NCLN: variants seen among roughly 807,000 people sequenced by gnomAD.
NCLN encodes BOS complex subunit NCLN.
Under a neutral mutation model 69.5 loss-of-function variants are expected in NCLN, and 34 were observed. The observed-to-expected ratio is 0.49, with a 90% CI of 0.37 to 0.65. The LOEUF (loss-of-function observed/expected upper bound fraction) is 0.65. Ranked by LOEUF, NCLN falls within the 30% of genes least tolerant of loss-of-function variation. The pLI, the probability that NCLN is intolerant of heterozygous loss-of-function variation, is 0.00. For missense variants in NCLN, 710 were observed against 804.8 expected, an observed-to-expected ratio of 0.88 and a Z score of 1.42; for synonymous variants, 393 against 358.3, an observed-to-expected ratio of 1.10 and a Z score of -1.09.
intron 1 of NCLN, among the ~76,000 whole-genome samples, chr19:3,188,494 G>A (rs487326): frequency 0.55 from 84,158 of 151,816 alleles, 24,402 homozygotes; most frequent in East Asian, 0.95. Flanking sequence ...CGTTCACCCC[G>A]TTTTCCTTCC....
intron 1 of NCLN, among the ~76,000 whole-genome samples, chr19:3,186,522 C>T (rs1370492578): frequency 6.6e-6 from 1 of 152,196 alleles, no homozygotes; most frequent in Non-Finnish European, 1.5e-5. Context: ...CCCCTCTCTC[C>T]TGTCCCCAGC....
At chr19:3,199,992 A>G (rs978706975) in intron 5 of NCLN, among the ~76,000 whole-genome samples, 33 of 151,500 alleles carry the variant, frequency 2.2e-4, no homozygotes, top group East Asian at 1.8e-3. Flanking sequence ...GAGCCACCGC[A>G]CCCAGTCCTG....
At chr19:3,189,741 C>T (rs1431103817) in intron 1 of NCLN, among the ~76,000 whole-genome samples, 4 of 152,258 alleles carry the variant, frequency 2.6e-5, no homozygotes, top group Non-Finnish European at 4.4e-5. Flanking sequence ...CCCTGGCCCT[C>T]GAGGGAGGCT....
Position 3,207,587 on chromosome 19 carries a change from T to C in NCLN, c.1633-42T>C, listed in dbSNP as rs754066714. 3.1e-6 allele frequency: 5 copies of C among 1,610,774 alleles called. No homozygotes were observed. The East Asian group carries it at 1.1e-4, about 36-fold the overall frequency. On this transcript the variant is annotated intron_variant, in intron 14 of 14. Coordinates refer to ENST00000246117, the MANE Select transcript of NCLN (RefSeq NM_020170.4). ...CCTAGAGTCACATGACCTGGGGCTC[T>C]GGCCCCGCCCACATCCTCACTCCCT...
Position 3,204,201 on chromosome 19 carries a change from C to T in NCLN, c.1029+57C>T, listed in dbSNP as rs1334420014. 65 of 1,461,720 alleles carry T rather than the reference C, an allele frequency of 4.4e-5. 1 individual carries two copies. In the East Asian group the frequency reaches 6.7e-4, roughly 15 times the overall value. The allele number at this position is 1,461,720 out of a possible 1,614,324, so 90.5% of individuals were successfully genotyped here. ...CTCTGCGGAGCACACACATCGGGGC[C>T]GGGTTGGGGCATCCTGTCCCAGGGT... On this transcript the variant is annotated intron_variant, in intron 8 of 14. Coordinates refer to ENST00000246117, the MANE Select transcript of NCLN (RefSeq NM_020170.4).
intron 1 of NCLN, among the ~76,000 whole-genome samples, chr19:3,189,053 T>C (rs1173401112): frequency 6.6e-6 from 1 of 152,236 alleles, no homozygotes; most frequent in Non-Finnish European, 1.5e-5. Flanking sequence ...GGGGAGTCCT[T>C]TCCCAACTTC....
intron 1 of NCLN, among the ~76,000 whole-genome samples, chr19:3,188,226 A>G (rs1443020959): frequency 2.6e-5 from 4 of 151,336 alleles, no homozygotes; most frequent in Admixed American, 2.6e-4. Context: ...GGTGGCTGCT[A>G]CACTGTCCCT....
intron 2 of NCLN, 128 bp from the exon 3 acceptor site, chr19:3,193,156 C>T: frequency 1.1e-6 from 1 of 877,710 alleles, no homozygotes. Flanking sequence ...CACTGGGCCC[C>T]CTGCTACCCC....
intron 6 of NCLN, among the ~76,000 whole-genome samples, chr19:3,202,521 CCTG>C (rs1302556425): frequency 6.6e-6 from 1 of 152,230 alleles, no homozygotes; most frequent in East Asian, 1.9e-4. Context: ...GGCCCAGTCA[CCTG>C]CTCCCGAGAT....
chr19:3,203,820 C>T lies in NCLN; in HGVS notation c.865C>T (p.Leu289=), dbSNP rs779567621. 1 of 1,613,164 alleles carries T rather than the reference C, an allele frequency of 6.2e-7. No individual in the cohort carries two copies. Among genetic ancestry groups the T allele is most frequent in the Non-Finnish European group, 8.5e-7 (1 of 1,179,840 alleles). Residue 289 remains leucine, a synonymous_variant, in exon 7 of 15, where the codon CTG becomes TTG. Coordinates refer to ENST00000246117, the MANE Select transcript of NCLN (RefSeq NM_020170.4). ...TAACTACCAGGGAACCAAGCGCTGG[C>T]TGGAAGACAACCTGGACCACACAGG... ...KFNYQGTKRW[L]EDNLDHTDSS...
chr19:3,203,191 C>A (rs1420049961), intron 6 of NCLN, among the ~76,000 whole-genome samples: 1 of 151,994 alleles, frequency 6.6e-6, no homozygotes, highest in Non-Finnish European at 1.5e-5. Context: ...GCCTGTAATC[C>A]CAGCTACTTG....
At position 3,185,982 on chromosome 19, in the gene NCLN, C is replaced by T. The variant is rs1413378175; in HGVS notation, c.-49C>T. 2 of 1,392,456 alleles carry T rather than the reference C, an allele frequency of 1.4e-6. No individual in the cohort carries two copies. The highest frequency in any genetic ancestry group is 1.9e-6 in the Non-Finnish European group (2 of 1,071,002). The allele number at this position is 1,392,456 out of a possible 1,614,324, so 86.3% of individuals were successfully genotyped here. A position where few individuals can be genotyped will look rare whatever the true frequency, so the allele number is the denominator to read the frequency against. The stretch of plus-strand genomic sequence containing the variant: ...GTGAGTCCGCGGGAGCCGCCGCCGC[C>T]GCCGTCCCGTCCCAGCTGCCGCCCC... On this transcript the variant is annotated 5_prime_UTR_variant, in exon 1 of 15. Transcript: ENST00000246117.
intron 1 of NCLN, among the ~76,000 whole-genome samples, chr19:3,186,916 G>A (rs1218633099): frequency 6.6e-6 from 1 of 151,204 alleles, no homozygotes; most frequent in Non-Finnish European, 1.5e-5. Context: ...GGGCACATTT[G>A]TCCCCAGACC....
chr19:3,198,833 T>A lies in NCLN; in HGVS notation c.632T>A (p.Leu211Gln). ...IASVEGRLTGLGGEDLPTIVI... is the reference protein window; with the variant it reads ...IASVEGRLTGQGGEDLPTIVI... ...TATCCACAGGGGCGGCTGACGGGGC[T>A]GGGCGGAGAGGACCTTCCCACCATC... The change falls in exon 5 of 15, where the codon CTG (leucine) becomes CAG (glutamine). Residue 211 changes from leucine (L) to glutamine (Q), a missense_variant. Physicochemically the swap from Leu to Gln is moderately radical, Grantham distance 113 (BLOSUM62 -2). Coordinates refer to ENST00000246117, the MANE Select transcript of NCLN (RefSeq NM_020170.4). 1 of 1,577,234 alleles carries A rather than the reference T, an allele frequency of 6.3e-7. No homozygotes were observed. The highest frequency in any genetic ancestry group is 8.6e-7 in the Non-Finnish European group (1 of 1,162,616).
At chr19:3,186,937 T>C (rs75756582) in intron 1 of NCLN, among the ~76,000 whole-genome samples, 4,541 of 152,170 alleles carry the variant, frequency 0.03, 229 homozygotes, top group African/African-American at 0.1. Flanking sequence ...CCTGACGCTC[T>C]CTGGTCCCAG....
At chr19:3,189,831 G>A (rs1281257991) in intron 1 of NCLN, among the ~76,000 whole-genome samples, 1 of 152,374 alleles carries the variant, frequency 6.6e-6, no homozygotes, top group South Asian at 2.1e-4. Flanking sequence ...CCCCGAGCGA[G>A]CGGGGGCTGG....
At position 3,206,232 on chromosome 19, in the gene NCLN, A is replaced by G; in HGVS notation, c.1336-30A>G. ...AGTGGGTGGGTGGGTGGGCGGGGCC[A>G]GGCCATGACTACCACCACCGTCCCT... On this transcript the variant is annotated intron_variant, in intron 11 of 14. Coordinates refer to ENST00000246117, the MANE Select transcript of NCLN (RefSeq NM_020170.4). 2.0e-6 allele frequency: 3 copies of G among 1,526,728 alleles called. No individual in the cohort carries two copies. The South Asian group carries it at 3.7e-5, about 19-fold the overall frequency. 94.6% of individuals were successfully genotyped at this position (1,526,728 alleles called of 1,614,324 possible).
chr19:3,201,781 A>G (rs1034736909), intron 6 of NCLN, among the ~76,000 whole-genome samples, 155 bp downstream of exon 6: 5 of 152,096 alleles, frequency 3.3e-5, no homozygotes, highest in Non-Finnish European at 7.4e-5. Flanking sequence ...ATCGAGGGCT[A>G]AGCTGAGCCC....
rs985185455 is a variant in NCLN, at chr19:3,185,970, A to AGCC, written c.-47_-45dup. ...ACCCATGCCGAGGTGAGTCCGCGGG[A>AGCC]GCCGCCGCCGCCGCCGTCCCGTCCC... is the stretch of plus-strand genomic sequence containing the variant. On this transcript the variant is annotated 5_prime_UTR_variant, in exon 1 of 15. Transcript: ENST00000246117. The AGCC allele has an allele frequency of 6.7e-5, 89 of 1,328,492 alleles. No individual in the cohort carries two copies. Among genetic ancestry groups the AGCC allele is most frequent in the African/African-American group, 1.1e-4 (7 of 63,906 alleles). 82.3% of individuals were successfully genotyped at this position (1,328,492 alleles called of 1,614,324 possible).
Sources: gnomAD v4.1 joint callset for allele counts (sites outside exome capture counted in the v4.1 genomes callset) on GRCh38, gnomAD v4.1.1 for gene constraint, MANE v1.5 for transcripts, NCBI Gene and HGNC (gene_info 2026-07-23, HGNC 2026-07-21) for gene names.